The following AKAP6 variants were observed in gnomAD, a reference collection of about 807,000 sequenced individuals.
AKAP6 encodes the protein A-kinase anchor protein 6.
Under a neutral mutation model 188.5 loss-of-function variants are expected in AKAP6, and 58 were observed. That is an observed-to-expected ratio of 0.31 (90% CI 0.25 to 0.38). The LOEUF (loss-of-function observed/expected upper bound fraction) is 0.38, where lower values mean the gene tolerates loss of function less well. Ranked by LOEUF, AKAP6 falls within the 10% of genes least tolerant of loss-of-function variation. The probability of loss-of-function intolerance (pLI) is 1.00; values close to 1 mark genes in which losing one functional copy is unlikely to be tolerated. For missense variants in AKAP6, 2,710 were observed against 2,740.0 expected (o/e 0.99, Z 0.24); for synonymous variants, 989 against 998.6 (o/e 0.99, Z 0.18).
chr14:32,383,111 G>A (rs1888422581), intron 1 of AKAP6, among the ~76,000 whole-genome samples: 1 of 151,678 alleles, frequency 6.6e-6, no homozygotes, highest in African/African-American at 2.4e-5. Flanking sequence ...GTGTGTGTGT[G>A]TGTGTGTGTG....
chr14:32,622,923 G>A (rs1368622617), intron 7 of AKAP6, among the ~76,000 whole-genome samples: 1 of 152,168 alleles, frequency 6.6e-6, no homozygotes, highest in African/African-American at 2.4e-5. Context: ...AGAACCTGGA[G>A]AGAACCACTT....
intron 2 of AKAP6, among the ~76,000 whole-genome samples, chr14:32,528,829 C>T (rs1882263011): frequency 6.6e-6 from 1 of 152,076 alleles, no homozygotes; most frequent in South Asian, 2.1e-4. Context: ...AGGCATGCAA[C>T]ACTGCTCCCA....
chr14:32,466,830 T>C (rs1239246563), intron 2 of AKAP6, among the ~76,000 whole-genome samples: 1 of 140,128 alleles, frequency 7.1e-6, no homozygotes, highest in Non-Finnish European at 1.5e-5. Context: ...AACAAGATTA[T>C]ATATATATAT....
chr14:32,466,648 C>T (rs941509043), intron 2 of AKAP6, among the ~76,000 whole-genome samples: 4 of 149,262 alleles, frequency 2.7e-5, no homozygotes, highest in Non-Finnish European at 4.4e-5. Flanking sequence ...ACCTAGATGA[C>T]GGGTTGATAC....
rs1176880402 is a variant in AKAP6, at chr14:32,735,781, A to C, written c.3271A>C (p.Lys1091Gln). ...RQLEVRIKEL[K>Q]GWLRDTELFI... ...GCTGGAGGTCAGGATCAAAGAACTG[A>C]AAGGATGGCTAAGAGATACAGAGCT... The change falls in exon 11 of 14, where the codon AAA becomes CAA. Residue 1091 changes from lysine (K) to glutamine (Q), a missense_variant. By Grantham distance (53) the Lys-to-Gln change is moderately conservative (BLOSUM62 1). This residue lies in a region of AKAP6 where 2,473 missense variants were observed against 2,426.1 expected (regional missense o/e 1.02). Transcript: ENST00000280979. 3 of 1,613,594 alleles carry C rather than the reference A, an allele frequency of 1.9e-6. No homozygotes were observed. The highest frequency in any genetic ancestry group is 3.3e-5 in the Admixed American group (2 of 59,890).
intron 2 of AKAP6, among the ~76,000 whole-genome samples, chr14:32,476,895 A>G (rs563389788): frequency 2.0e-5 from 3 of 152,342 alleles, no homozygotes; most frequent in African/African-American, 7.2e-5. Context: ...TCATCAATCA[A>G]TACACAGAGG....
rs966298061 is a variant in AKAP6, at chr14:32,629,292, G to A, written c.2730+28500G>A. On this transcript the variant is annotated intron_variant, in intron 7 of 13. Transcript: ENST00000280979. ...TTTTTTCCTTTGGAAAAGAACTTAAGCTATTTTACATTTTTGGTAGATAGC... is the reference window on the plus strand; with the variant it reads ...TTTTTTCCTTTGGAAAAGAACTTAAACTATTTTACATTTTTGGTAGATAGC... Among the ~76,000 whole-genome samples, 4 of 151,478 alleles carry A rather than the reference G, an allele frequency of 2.6e-5. No homozygotes were observed. The East Asian group carries it at 5.8e-4, about 22-fold the overall frequency.
intron 5 of AKAP6, among the ~76,000 whole-genome samples, chr14:32,588,552 A>C (rs547935152): frequency 6.6e-6 from 1 of 152,258 alleles, no homozygotes; most frequent in African/African-American, 2.4e-5. Context: ...ATGAGTTTTG[A>C]GGCCATGTTT....
chr14:32,697,885 C>A (rs1372936029), intron 9 of AKAP6, among the ~76,000 whole-genome samples: 1 of 152,138 alleles, frequency 6.6e-6, no homozygotes, highest in Non-Finnish European at 1.5e-5. Flanking sequence ...TCCACCCACT[C>A]AGAACTTCTG....
chr14:32,418,154 A>T (rs1165332218), intron 1 of AKAP6, among the ~76,000 whole-genome samples: 1 of 152,198 alleles, frequency 6.6e-6, no homozygotes, highest in East Asian at 1.9e-4. Flanking sequence ...TAAATAGATG[A>T]TTTCTAGAGG....
At chr14:32,493,356 C>A (rs190745441) in intron 2 of AKAP6, among the ~76,000 whole-genome samples, 12 of 151,862 alleles carry the variant, frequency 7.9e-5, no homozygotes, top group Admixed American at 5.2e-4. Context: ...AGGCTTGTAC[C>A]ACTACACCTG....
chr14:32,390,746 G>A (rs1251863386), intron 1 of AKAP6, among the ~76,000 whole-genome samples: 1 of 152,126 alleles, frequency 6.6e-6, no homozygotes, highest in Non-Finnish European at 1.5e-5. Flanking sequence ...AGTATTTGAA[G>A]TGTCTCCTGG....
chr14:32,386,013 A>ATATC (rs545583187), intron 1 of AKAP6, among the ~76,000 whole-genome samples: 126 of 150,322 alleles, frequency 8.4e-4, no homozygotes, highest in African/African-American at 2.8e-3. Context: ...ATCTATATCT[A>ATATC]TATCTATCTA....
chr14:32,510,477 CATATATATATGTGTATATAT>C, intron 2 of AKAP6, among the ~76,000 whole-genome samples: 1 of 72,906 alleles, frequency 1.4e-5, no homozygotes, highest in African/African-American at 6.2e-5. Context: ...TATATATATA[CATATATATATGTGTATATAT>C]ATATATATGA....
intron 3 of AKAP6, among the ~76,000 whole-genome samples, chr14:32,537,709 A>C (rs1882747802): frequency 6.6e-6 from 1 of 152,224 alleles, no homozygotes; most frequent in Admixed American, 6.5e-5. Context: ...ATAAACATTT[A>C]TTGATAATCA....
intron 2 of AKAP6, among the ~76,000 whole-genome samples, chr14:32,437,423 C>A (rs543380145): frequency 1.3e-5 from 2 of 152,150 alleles, no homozygotes; most frequent in Non-Finnish European, 2.9e-5. Flanking sequence ...ACCATCATGT[C>A]AATACATAAC....
chr14:32,606,629 C>T (rs569354141), intron 7 of AKAP6, among the ~76,000 whole-genome samples: 2 of 152,198 alleles, frequency 1.3e-5, no homozygotes, highest in East Asian at 1.9e-4. Context: ...ACAGCTACTA[C>T]GAGGATGACC....
At chr14:32,700,157 T>A (rs2139710564) in intron 9 of AKAP6, among the ~76,000 whole-genome samples, 1 of 152,338 alleles carries the variant, frequency 6.6e-6, no homozygotes, top group South Asian at 2.1e-4. Context: ...AGACTGCTGC[T>A]GTTGCTGCTG....
At chr14:32,697,632 C>T (rs1000096216) in intron 9 of AKAP6, among the ~76,000 whole-genome samples, 1 of 152,122 alleles carries the variant, frequency 6.6e-6, no homozygotes, top group African/African-American at 2.4e-5. Context: ...GCCATTATCT[C>T]GGACTTTATT....
Sources: gnomAD v4.1 joint callset for allele counts (sites outside exome capture counted in the v4.1 genomes callset) on GRCh38, gnomAD v4.1.1 for gene constraint, gnomAD v4.1.1 regional missense constraint, MANE v1.5 for transcripts, NCBI Gene and HGNC (gene_info 2026-07-23, HGNC 2026-07-21) for gene names.